DOCK7: variants seen among roughly 807,000 people sequenced by gnomAD.
DOCK7 encodes dedicator of cytokinesis protein 7.
A neutral mutation model predicts 271.0 loss-of-function variants in DOCK7; 138 were observed. That is an observed-to-expected ratio of 0.51 (90% CI 0.44 to 0.59). DOCK7 has a LOEUF of 0.59. Ranked by LOEUF, DOCK7 falls within the 20% of genes least tolerant of loss-of-function variation. The pLI is 0.00. For missense variants in DOCK7, 2,066 were observed against 2,592.4 expected (o/e 0.80, Z 4.41); for synonymous variants, 823 against 876.1 (o/e 0.94, Z 1.07).
At chr1:62,576,346 A>G (rs926892690) in intron 18 of DOCK7, among the ~76,000 whole-genome samples, 4 of 152,158 alleles carry the variant, frequency 2.6e-5, no homozygotes, top group African/African-American at 7.2e-5. Flanking sequence ...TAAAATGAAG[A>G]ACCAGGCTTT....
chr1:62,680,019 G>C (rs12563863), intron 1 of DOCK7, among the ~76,000 whole-genome samples: 4,766 of 152,144 alleles, frequency 0.031, 174 homozygotes, highest in African/African-American at 0.084. Flanking sequence ...ACTTTCTTCA[G>C]AGAATTGGAA....
intron 18 of DOCK7, among the ~76,000 whole-genome samples, chr1:62,565,738 G>C (rs1001926592): frequency 1.3e-5 from 2 of 151,696 alleles, no homozygotes; most frequent in African/African-American, 4.9e-5. Flanking sequence ...AAGAAATAAA[G>C]GTATTCAAAT....
At chr1:62,568,668 A>G (rs1343026471) in intron 18 of DOCK7, among the ~76,000 whole-genome samples, 1 of 150,884 alleles carries the variant, frequency 6.6e-6, no homozygotes, top group African/African-American at 2.4e-5. Flanking sequence ...CATCACAACT[A>G]AAAGAACTAG....
intron 20 of DOCK7, among the ~76,000 whole-genome samples, chr1:62,557,065 CTT>C (rs11324868): frequency 4.4e-3 from 597 of 137,144 alleles, no homozygotes; most frequent in Middle Eastern, 7.5e-3. Context: ...TTTTTCTTTT[CTT>C]TTTTTTTTTT....
intron 25 of DOCK7, among the ~76,000 whole-genome samples, chr1:62,540,867 C>T (rs1645506034): frequency 1.1e-4 from 1 of 9,288 alleles, no homozygotes. Context: ...ACAATTTTTA[C>T]CTTACAGGAG....
At chr1:62,523,639 T>G (rs1018418654) in intron 31 of DOCK7, among the ~76,000 whole-genome samples, 2 of 152,132 alleles carry the variant, frequency 1.3e-5, no homozygotes, top group African/African-American at 4.8e-5. Context: ...GAGGTCGAGA[T>G]GGGCAGATCA....
Position 62,578,960 on chromosome 1 carries a change from A to C in DOCK7, c.1878T>G (p.Pro626=), listed in dbSNP as rs1282710575. 3 of 1,569,012 alleles carry C rather than the reference A, an allele frequency of 1.9e-6. No homozygotes were observed. Among genetic ancestry groups the C allele is most frequent in the Non-Finnish European group, 2.6e-6 (3 of 1,164,216 alleles). ...TAACCTTGATTTCTTCATGAAAATCAGGAGACCTTCATACAAAAAAAAAAA... is the reference window on the plus strand; with the variant it reads ...TAACCTTGATTTCTTCATGAAAATCCGGAGACCTTCATACAAAAAAAAAAA... ...YTAVVYHNRS[P]DFHEEIKVKL... The change falls in exon 17 of 50, where the codon CCT becomes CCG. Residue 626 remains proline (P), a synonymous_variant. Coordinates refer to ENST00000635253, the MANE Select transcript of DOCK7 (RefSeq NM_001367561.1).
intron 22 of DOCK7, among the ~76,000 whole-genome samples, chr1:62,550,470 G>C (rs1234242860): frequency 6.6e-6 from 1 of 152,058 alleles, no homozygotes; most frequent in Non-Finnish European, 1.5e-5. Flanking sequence ...TTGAGGTAAT[G>C]AAAGAAGGAA....
At chr1:62,544,314 T>C (rs1262132615) in intron 23 of DOCK7, among the ~76,000 whole-genome samples, 1 of 152,178 alleles carries the variant, frequency 6.6e-6, no homozygotes, top group Non-Finnish European at 1.5e-5. Context: ...TATTTTGAGA[T>C]ATCATGCAGT....
chr1:62,642,816 T>C (rs1177841396), intron 7 of DOCK7, among the ~76,000 whole-genome samples: 1 of 152,212 alleles, frequency 6.6e-6, no homozygotes. Context: ...TGATAAAGTA[T>C]TGTAGAAAAC....
At position 62,598,758 on chromosome 1, in the gene DOCK7, T is replaced by C. The variant is rs780779400; in HGVS notation, c.1683-12134A>G. 2.5e-6 allele frequency: 4 copies of C among 1,610,842 alleles called. No homozygotes were observed. Among genetic ancestry groups the C allele is most frequent in the South Asian group, 1.1e-5 (1 of 90,998 alleles). ...TTCTCCAGACCGTGGAAGACCAATA[T>C]AAACAATTAAACCAACAGCATAGTC... On this transcript the variant is annotated intron_variant, in intron 14 of 49. Transcript: ENST00000635253.
chr1:62,549,059 A>T (rs989865134), intron 22 of DOCK7, among the ~76,000 whole-genome samples: 1 of 152,044 alleles, frequency 6.6e-6, no homozygotes, highest in Non-Finnish European at 1.5e-5. Flanking sequence ...GAGAGAAGAC[A>T]AGAGAAGAGA....
intron 31 of DOCK7, among the ~76,000 whole-genome samples, chr1:62,523,784 G>A (rs1272319210): frequency 1.3e-5 from 2 of 152,062 alleles, no homozygotes; most frequent in Non-Finnish European, 2.9e-5. Context: ...GTAGAATGGT[G>A]TGAACCTGGG....
intron 2 of DOCK7, among the ~76,000 whole-genome samples, chr1:62,658,634 G>C (rs1282739186): frequency 6.6e-6 from 1 of 152,052 alleles, no homozygotes; most frequent in East Asian, 1.9e-4. Flanking sequence ...TGGAATTTTA[G>C]ATCCTGCAAA....
At chr1:62,590,627 G>A (rs1217548638) in intron 14 of DOCK7, among the ~76,000 whole-genome samples, 1 of 152,066 alleles carries the variant, frequency 6.6e-6, no homozygotes, top group African/African-American at 2.4e-5. Context: ...TGTGAACACA[G>A]AATCACACTG....
chr1:62,506,981 T>TAAATAAAA (rs1334192984), intron 35 of DOCK7, among the ~76,000 whole-genome samples: 6 of 150,614 alleles, frequency 4.0e-5, no homozygotes, highest in African/African-American at 7.3e-5. Flanking sequence ...AATAAATAAA[T>TAAATAAAA]AAAATAGAGT....
chr1:62,580,023 A>G (rs1647067589), intron 16 of DOCK7, among the ~76,000 whole-genome samples: 1 of 152,290 alleles, frequency 6.6e-6, no homozygotes, highest in African/African-American at 2.4e-5. Context: ...ACAAAAAGGG[A>G]TAAAACCTTA....
chr1:62,457,828 T>C (rs1645392102), intron 48 of DOCK7, 123 bp from the exon 49 acceptor site: 4 of 898,756 alleles, frequency 4.5e-6, no homozygotes, highest in Non-Finnish European at 6.9e-6. Flanking sequence ...ACAGACTATA[T>C]ATGTGGGCCT....
intron 1 of DOCK7, among the ~76,000 whole-genome samples, chr1:62,674,905 T>C (rs1660380820): frequency 1.3e-5 from 2 of 152,230 alleles, no homozygotes; most frequent in Non-Finnish European, 2.9e-5. Context: ...AAGTCTTAGC[T>C]ACAACACCAA....
Sources: allele counts gnomAD v4.1 joint callset (sites outside exome capture counted in the v4.1 genomes callset), GRCh38; gene constraint gnomAD v4.1.1; transcripts MANE v1.5; gene names NCBI Gene and HGNC (gene_info 2026-07-23, HGNC 2026-07-21).